The following ZNF445 variants were observed in gnomAD, a reference collection of about 807,000 sequenced individuals.
ZNF445 encodes the protein zinc finger protein 168.
A neutral mutation model predicts 93.9 loss-of-function variants in ZNF445; 19 were observed. The ratio of observed to expected loss-of-function variants is 0.20; its 90% CI spans 0.14 to 0.30. The LOEUF is 0.30. Among genes scored for constraint, ZNF445 ranks in the 10% least tolerant of loss-of-function variants. ZNF445 has a pLI of 1.00. For missense variants in ZNF445, 1,058 were observed against 1,259.4 expected (o/e 0.84, Z 2.42); for synonymous variants, 449 against 446.3 (o/e 1.01, Z -0.08).
rs556191734 is a variant in ZNF445 at position 44,439,310 on chromosome 3, CA to C, written c.*7264del. ...TGGGTGACAGGGTGAGACCTTGTCT[CA>C]AAAAAAAAAAAAAAAAAAAAGCAAA... On this transcript the variant is annotated 3_prime_UTR_variant, in exon 8 of 8. Transcript: ENST00000396077. The C allele has an allele frequency of 7.4e-3, 462 of 62,766 alleles. No homozygotes were observed. The highest frequency in any genetic ancestry group is 0.018 in the African/African-American group (255 of 14,426). 3.9% of individuals were successfully genotyped at this position (62,766 alleles called of 1,614,324 possible).
intron 6 of ZNF445, 42 bp downstream of exon 6, chr3:44,450,405 G>C: frequency 6.2e-7 from 1 of 1,613,574 alleles, no homozygotes; most frequent in Non-Finnish European, 8.5e-7. Context: ...CAAGAAGGCA[G>C]AAATAAAGAT....
At position 44,444,933 on chromosome 3, in the gene ZNF445, T is replaced by C. The variant is rs1462071370; in HGVS notation, c.*1642A>G. 6.6e-6 allele frequency: 1 copy of C among 152,274 alleles called. No individual in the cohort carries two copies. The highest frequency in any genetic ancestry group is 1.5e-5 in the Non-Finnish European group (1 of 68,052). The allele number at this position is 152,274 out of a possible 1,614,324, so 9.4% of individuals were successfully genotyped here. A position where few individuals can be genotyped will look rare whatever the true frequency, so the allele number is the denominator to read the frequency against. ...TTCATTCATAATCTGACCTCTTCAA[T>C]AATCAGAAGCAATGATTACTCACAT... On this transcript the variant is annotated 3_prime_UTR_variant, in exon 8 of 8. Coordinates refer to ENST00000396077, the MANE Select transcript of ZNF445 (RefSeq NM_181489.6).
chr3:44,448,726 C>G lies in ZNF445; in HGVS notation c.945G>C (p.Gln315His). Residue 315 changes from glutamine to histidine, a missense_variant, in exon 8 of 8, where the codon CAG becomes CAC. Gln to His is a conservative substitution (Grantham distance 24, BLOSUM62 0). Around this residue, in one of 3 missense-constraint regions of ZNF445, gnomAD observed 657 missense variants for 746.4 expected, o/e 0.88. Coordinates refer to ENST00000396077, the MANE Select transcript of ZNF445 (RefSeq NM_181489.6). ...PVAAPTGDDL[Q>H]SKTNKFILNQ... ...TTAAGATGAATTTGTTTGTTTTACT[C>G]TGGAGGTCATCTCCTGACAAAAAAT... The G allele has an allele frequency of 6.2e-7, 1 of 1,611,446 alleles. No individual in the cohort carries two copies. The highest frequency in any genetic ancestry group is 8.5e-7 in the Non-Finnish European group (1 of 1,179,284).
chr3:44,444,607 T>C lies in ZNF445; in HGVS notation c.*1968A>G, dbSNP rs1697855594. 6.6e-6 allele frequency: 1 copy of C among 152,190 alleles called. No individual in the cohort carries two copies. The highest frequency in any genetic ancestry group is 2.1e-4 in the South Asian group (1 of 4,828). 9.4% of individuals were successfully genotyped at this position (152,190 alleles called of 1,614,324 possible). A position where few individuals can be genotyped will look rare whatever the true frequency, so the allele number is the denominator to read the frequency against. ...TCAGTGCCATGAACAGCTGCTGCCGTAGGAAGGCAAGAGGATGGCAGAACC... is the reference window on the plus strand; with the variant it reads ...TCAGTGCCATGAACAGCTGCTGCCGCAGGAAGGCAAGAGGATGGCAGAACC... On this transcript the variant is annotated 3_prime_UTR_variant, in exon 8 of 8. Coordinates refer to ENST00000396077, the MANE Select transcript of ZNF445 (RefSeq NM_181489.6).
In ZNF445 at chr3:44,448,282, T is replaced by C. The variant is rs946837688; in HGVS notation, c.1389A>G (p.Gly463=). 5 of 1,614,214 alleles carry C rather than the reference T, an allele frequency of 3.1e-6. No individual in the cohort carries two copies. Among genetic ancestry groups the C allele is most frequent in the Non-Finnish European group, 3.4e-6 (4 of 1,180,046 alleles). The change falls in exon 8 of 8, where the codon GGA becomes GGG. Residue 463 remains glycine (G), a synonymous_variant. Coordinates refer to ENST00000396077, the MANE Select transcript of ZNF445 (RefSeq NM_181489.6). ...GATGAGAGCTAAGGCTGAAGTCTTT[T>C]CCACACACGTCCTTTTTGTTCCCTT... The part of the protein sequence containing the change: ...GLKGNKKDVC[G]KDFSLSSHHQ...
Position 44,464,854 on chromosome 3 carries a change from T to C in ZNF445, c.-268-6490A>G, listed in dbSNP as rs567970879. 6.6e-5 allele frequency among the ~76,000 whole-genome samples: 10 copies of C among 152,168 alleles called. No individual in the cohort carries two copies. In the South Asian group the frequency reaches 2.1e-3, roughly 32 times the overall value. ...ACTTTGGGAGGCCGAGGTGGGCAGA[T>C]CACGATGTCAGGAGTTCCAGACCAG... On this transcript the variant is annotated intron_variant, in intron 1 of 7. Transcript: ENST00000396077.
chr3:44,470,121 C>A (rs188902306), intron 1 of ZNF445, among the ~76,000 whole-genome samples: 4 of 152,176 alleles, frequency 2.6e-5, no homozygotes, highest in Admixed American at 2.0e-4. Flanking sequence ...TAGGGTCTCA[C>A]TATGTTGCCC....
In ZNF445 at chr3:44,451,140, G is replaced by A. The variant is rs76812921; in HGVS notation, c.598+174C>T. On this transcript the variant is annotated intron_variant, in intron 4 of 7. Transcript: ENST00000396077. The stretch of plus-strand genomic sequence containing the variant: ...GGAAAGGGGTAGTGGGATGGGGGGT[G>A]TAATGGGGGAGGAGCAAGCCACATA... 7.3e-4 allele frequency among the ~76,000 whole-genome samples: 111 copies of A among 152,244 alleles called. 3 individuals are homozygous for A. In the East Asian group the frequency reaches 0.015, roughly 21 times the overall value.
intron 4 of ZNF445, 109 bp downstream of exon 4, chr3:44,451,205 C>T (rs1332378055): frequency 7.2e-7 from 1 of 1,391,504 alleles, no homozygotes; most frequent in African/African-American, 1.4e-5. Context: ...GAGCTAAGGG[C>T]CAGGACAGAA....
chr3:44,435,627 G>A lies in ZNF445; in HGVS notation c.*10948C>T, dbSNP rs964695002. ...TTGCTTTAATATTTTTGTGAATGAG[G>A]CAGCTCTAGTGGCTTCTACTTGGCC... On this transcript the variant is annotated 3_prime_UTR_variant, in exon 8 of 8. Coordinates refer to ENST00000396077, the MANE Select transcript of ZNF445 (RefSeq NM_181489.6). 6.6e-6 allele frequency: 1 copy of A among 152,136 alleles called. No individual in the cohort carries two copies. Among genetic ancestry groups the A allele is most frequent in the Admixed American group, 6.5e-5 (1 of 15,270 alleles). The allele number at this position is 152,136 out of a possible 1,614,324, so 9.4% of individuals were successfully genotyped here.
At chr3:44,476,819 C>G (rs1452845278) in intron 1 of ZNF445, among the ~76,000 whole-genome samples, 1 of 152,118 alleles carries the variant, frequency 6.6e-6, no homozygotes, top group Admixed American at 6.6e-5. Context: ...TATTTTTCTG[C>G]ACAAATGTCA....
chr3:44,442,868 A>G lies in ZNF445; in HGVS notation c.*3707T>C, dbSNP rs1256822913. On this transcript the variant is annotated 3_prime_UTR_variant, in exon 8 of 8. Coordinates refer to ENST00000396077, the MANE Select transcript of ZNF445 (RefSeq NM_181489.6). ...TTTCACCCCACAGCCCCTTAAAAAA[A>G]ACCCAACCCTGACTCAGCCAAACTA... 1 of 152,188 alleles carries G rather than the reference A, an allele frequency of 6.6e-6. No homozygotes were observed. Among genetic ancestry groups the G allele is most frequent in the African/African-American group, 2.4e-5 (1 of 41,444 alleles). 9.4% of individuals were successfully genotyped at this position (152,188 alleles called of 1,614,324 possible).
At chr3:44,474,757 T>G (rs1246301473) in intron 1 of ZNF445, among the ~76,000 whole-genome samples, 1 of 152,208 alleles carries the variant, frequency 6.6e-6, no homozygotes, top group Non-Finnish European at 1.5e-5. Context: ...ATGAACGTAC[T>G]ATGGTAATCC....
chr3:44,454,446 T>G (rs1321269157), intron 3 of ZNF445, among the ~76,000 whole-genome samples: 1 of 152,212 alleles, frequency 6.6e-6, no homozygotes, highest in East Asian at 1.9e-4. Context: ...TGGGCTTTTT[T>G]GTTTAGAGAT....
chr3:44,464,241 T>C (rs1409393261), intron 1 of ZNF445, among the ~76,000 whole-genome samples: 4 of 152,176 alleles, frequency 2.6e-5, no homozygotes, highest in South Asian at 2.1e-4. Flanking sequence ...ACCCTTAATT[T>C]TGGGGATCTG....
Position 44,446,942 on chromosome 3 carries a change from G to A in ZNF445, c.2729C>T (p.Thr910Ile). 1 of 1,614,136 alleles carries A rather than the reference G, an allele frequency of 6.2e-7. No individual in the cohort carries two copies. The highest frequency in any genetic ancestry group is 8.5e-7 in the Non-Finnish European group (1 of 1,180,030). Residue 910 changes from threonine to isoleucine, a missense_variant, in exon 8 of 8, where the codon ACC becomes ATC. Physicochemically the swap from Thr to Ile is moderately conservative, Grantham distance 89. This residue lies in a region of ZNF445 where 387 missense variants were observed against 475.7 expected (regional missense o/e 0.81). Transcript: ENST00000396077. This position sits in a 1 kb window ranked among gnomAD's most constrained non-coding sequence, Gnocchi z 4.2. The stretch of plus-strand genomic sequence containing the variant: ...GTGTTTCCTCTGGTGACTGGAAAGG[G>A]TATGTCTCCCAATGAACTCTTTCCC... ...WCGKEFIGRH[T>I]LSSHQRKHTR...
intron 1 of ZNF445, among the ~76,000 whole-genome samples, chr3:44,470,853 G>A (rs1282900813): frequency 3.3e-5 from 5 of 152,074 alleles, no homozygotes; most frequent in African/African-American, 1.2e-4. Context: ...ATTCTTGAGG[G>A]GGGACTTGAG....
chr3:44,457,941 C>T (rs755761737), intron 2 of ZNF445, among the ~76,000 whole-genome samples: 30 of 132,942 alleles, frequency 2.3e-4, no homozygotes, highest in African/African-American at 5.7e-4. Flanking sequence ...TGAAGCTGGG[C>T]GGTAGAGGTT....
Position 44,473,485 on chromosome 3 carries a change from AC to A in ZNF445, c.-269+4105del, listed in dbSNP as rs1559400789. Reference sequence around the variant, plus strand: ...CACACACACACACACACACACACACACACACAAAAAATGCTTTCAGTATATA... The same window carrying A: ...CACACACACACACACACACACACACAACACAAAAAATGCTTTCAGTATATA... On this transcript the variant is annotated intron_variant, in intron 1 of 7. Coordinates refer to ENST00000396077, the MANE Select transcript of ZNF445 (RefSeq NM_181489.6). 7.7e-3 allele frequency among the ~76,000 whole-genome samples: 472 copies of A among 61,654 alleles called. 2 individuals are homozygous for A. Among genetic ancestry groups the A allele is most frequent in the Middle Eastern group, 0.029 (3 of 102 alleles). 40.4% of individuals were successfully genotyped at this position (61,654 alleles called of 152,430 possible). A position where few individuals can be genotyped will look rare whatever the true frequency, so the allele number is the denominator to read the frequency against.
Sources: allele counts gnomAD v4.1 joint callset (sites outside exome capture counted in the v4.1 genomes callset), GRCh38; gene constraint gnomAD v4.1.1; regional missense constraint gnomAD v4.1.1; non-coding constraint Gnocchi (gnomAD v3.1); transcripts MANE v1.5; gene names NCBI Gene and HGNC (gene_info 2026-07-23, HGNC 2026-07-21).